Variants in STK3 observed in about 807,000 individuals in gnomAD.
The protein encoded by STK3 is serine/threonine-protein kinase 3.
STK3 carries 41 observed loss-of-function variants against 58.0 expected under a neutral mutation model. The observed-to-expected ratio is 0.71, with a 90% CI of 0.55 to 0.92. STK3 has a LOEUF of 0.92. STK3 is among the 40% of genes least tolerant of loss of function. The pLI, the probability that STK3 is intolerant of heterozygous loss-of-function variation, is 0.00. For synonymous variants in STK3, 170 were observed against 191.0 expected (o/e 0.89, Z 0.91); for missense variants, 479 against 602.7 (o/e 0.79, Z 2.15).
chr8:98,774,180 TA>T (rs1831509345), intron 2 of STK3, among the ~76,000 whole-genome samples: 1 of 152,210 alleles, frequency 6.6e-6, no homozygotes, highest in South Asian at 2.1e-4. Context: ...TTCTGTTTTG[TA>T]CCTTTATTAT....
At chr8:98,829,653 C>T (rs1343952135), upstream of STK3, among the ~76,000 whole-genome samples, 1 of 152,216 alleles carries the variant, frequency 6.6e-6, no homozygotes, top group Non-Finnish European at 1.5e-5. Flanking sequence ...AACAGAATGT[C>T]TGTGTTCTAA....
At chr8:98,416,043 T>G (rs376714842) in intron 3 of STK3, among the ~76,000 whole-genome samples, 1 of 152,172 alleles carries the variant, frequency 6.6e-6, no homozygotes, top group Non-Finnish European at 1.5e-5. Flanking sequence ...CATGTCAACA[T>G]GTACTTCCAC....
chr8:98,547,400 ATGTT>A (rs1702940529), intron 9 of STK3, among the ~76,000 whole-genome samples: 1 of 152,154 alleles, frequency 6.6e-6, no homozygotes, highest in African/African-American at 2.4e-5. Context: ...GTCAGAGAGA[ATGTT>A]TGATCATCAT....
At chr8:98,558,753 TTTG>T (rs920856951) in intron 8 of STK3, among the ~76,000 whole-genome samples, 3 of 152,104 alleles carry the variant, frequency 2.0e-5, no homozygotes, top group Non-Finnish European at 1.5e-5. Context: ...TAGCAGAAAT[TTTG>T]TTGTTGTTCT....
intron 1 of STK3, among the ~76,000 whole-genome samples, chr8:98,927,808 G>A (rs1839857214): frequency 6.6e-6 from 1 of 152,148 alleles, no homozygotes; most frequent in Non-Finnish European, 1.5e-5. Context: ...CACGTTCCTA[G>A]GCCACAGAGT....
At chr8:98,364,139 C>T in the STK3 span, among the ~76,000 whole-genome samples, 1 of 152,288 alleles carries the variant, frequency 6.6e-6, no homozygotes. Flanking sequence ...TCCAGACAGC[C>T]TGGAGCCTGG....
intron 1 of STK3, among the ~76,000 whole-genome samples, chr8:98,809,823 C>G (rs1313963711): frequency 6.6e-6 from 1 of 152,180 alleles, no homozygotes; most frequent in Non-Finnish European, 1.5e-5. Context: ...TCTTGAGACC[C>G]TGCTTTCAAT....
At chr8:98,413,524 G>T in intron 3 of STK3, 1 of 643,814 alleles carries the variant, frequency 1.6e-6, no homozygotes, top group South Asian at 1.4e-5. Flanking sequence ...ACACTTAAAG[G>T]AGATACTTCA....
chr8:98,374,896 A>C (rs569272856), intron 2 of STK3, among the ~76,000 whole-genome samples: 144 of 152,272 alleles, frequency 9.5e-4, no homozygotes, highest in African/African-American at 3.3e-3. Flanking sequence ...GAATAAATGG[A>C]GGTCAGGGTG....
chr8:98,633,555 C>G, intron 6 of STK3: 2 of 727,914 alleles, frequency 2.7e-6, no homozygotes, highest in Middle Eastern at 3.8e-4. Context: ...CCAGATTCTC[C>G]AGAGGCTCTT....
At chr8:98,645,442 G>A (rs563767506) in intron 6 of STK3, among the ~76,000 whole-genome samples, 1 of 152,222 alleles carries the variant, frequency 6.6e-6, no homozygotes, top group East Asian at 1.9e-4. Flanking sequence ...GAGTTAATAA[G>A]GTTTTAAAGT....
intron 6 of STK3, among the ~76,000 whole-genome samples, chr8:98,608,541 T>A (rs948662025): frequency 6.6e-6 from 1 of 152,196 alleles, no homozygotes; most frequent in African/African-American, 2.4e-5. Flanking sequence ...TTAACACAGA[T>A]AAAATTTGGT....
Position 98,825,628 on chromosome 8 carries a change from G to A in STK3, c.-88C>T. On this transcript the variant is annotated 5_prime_UTR_variant, in exon 1 of 11. Transcript: ENST00000419617. Reference sequence around the variant, plus strand: ...GGGGCACCGGCCGGCCGAGCCTAGGGCACCACAGAGGGAAACTCTGGGAAC... The same window carrying A: ...GGGGCACCGGCCGGCCGAGCCTAGGACACCACAGAGGGAAACTCTGGGAAC... The A allele has an allele frequency of 7.6e-7, 1 of 1,313,704 alleles. No homozygotes were observed. Among genetic ancestry groups the A allele is most frequent in the Non-Finnish European group, 9.8e-7 (1 of 1,023,498 alleles). The allele number at this position is 1,313,704 out of a possible 1,614,324, so 81.4% of individuals were successfully genotyped here. A position where few individuals can be genotyped will look rare whatever the true frequency, so the allele number is the denominator to read the frequency against.
intron 1 of STK3, among the ~76,000 whole-genome samples, chr8:98,787,442 C>T (rs757094301): frequency 2.0e-5 from 3 of 151,840 alleles, no homozygotes; most frequent in Non-Finnish European, 4.4e-5. Flanking sequence ...TTATGTTAAA[C>T]GACCAAACCT....
At chr8:98,548,242 T>C (rs1358376528) in intron 8 of STK3, 81 bp from the exon 9 acceptor site, 1 of 1,133,108 alleles carries the variant, frequency 8.8e-7, no homozygotes, top group Non-Finnish European at 1.2e-6. Context: ...AATGAATATA[T>C]TATAGTTTTA....
At chr8:98,899,500 T>G (rs925174681) in intron 1 of STK3, among the ~76,000 whole-genome samples, 1 of 152,204 alleles carries the variant, frequency 6.6e-6, no homozygotes, top group African/African-American at 2.4e-5. Flanking sequence ...ATGATTTATA[T>G]AGCATTTATA....
intron 10 of STK3, among the ~76,000 whole-genome samples, chr8:98,506,354 C>T (rs995159399): frequency 1.3e-5 from 2 of 152,194 alleles, no homozygotes; most frequent in Admixed American, 1.3e-4. Context: ...CTTGTGCTTC[C>T]TGGGTGAGGT....
intron 2 of STK3, among the ~76,000 whole-genome samples, chr8:98,769,686 T>C (rs1463057219): frequency 6.6e-6 from 1 of 152,240 alleles, no homozygotes; most frequent in Non-Finnish European, 1.5e-5. Context: ...ATTTAAATTA[T>C]CACCCTTAGT....
intron 3 of STK3, among the ~76,000 whole-genome samples, chr8:98,408,508 G>C (rs1455130352): frequency 6.6e-6 from 1 of 152,166 alleles, no homozygotes; most frequent in Non-Finnish European, 1.5e-5. Context: ...CATAAATTCA[G>C]CAAGTCTACC....
Sources: allele counts gnomAD v4.1 joint callset (sites outside exome capture counted in the v4.1 genomes callset), GRCh38; gene constraint gnomAD v4.1.1; transcripts MANE v1.5; gene names NCBI Gene and HGNC (gene_info 2026-07-23, HGNC 2026-07-21).